Variants in MMP26 observed in about 807,000 individuals in gnomAD.
MMP26 encodes matrix metalloproteinase-26.
MMP26 carries 33 observed loss-of-function variants against 31.0 expected under a neutral mutation model. The ratio of observed to expected loss-of-function variants is 1.06; its 90% CI spans 0.81 to 1.42. The LOEUF is 1.42. MMP26 is among the 40% of genes most tolerant of loss of function. MMP26 has a pLI of 0.00. For missense variants in MMP26, 347 were observed against 316.1 expected, an observed-to-expected ratio of 1.10 and a Z score of -0.74; for synonymous variants, 122 against 114.9, an observed-to-expected ratio of 1.06 and a Z score of -0.40.
At chr11:4,916,538 T>C (rs923669788) in intron 2 of MMP26, among the ~76,000 whole-genome samples, 4 of 152,188 alleles carry the variant, frequency 2.6e-5, no homozygotes, top group Non-Finnish European at 5.9e-5. Context: ...TTTCTTTCTC[T>C]TTTTTGTTTT....
intron 2 of MMP26, among the ~76,000 whole-genome samples, chr11:4,831,830 G>A (rs12795226): frequency 0.061 from 9,340 of 152,222 alleles, 392 homozygotes; most frequent in Middle Eastern, 0.13. Context: ...TTCAAAAAAA[G>A]CGGGTATCAA....
intron 2 of MMP26, among the ~76,000 whole-genome samples, chr11:4,844,780 A>G (rs1463178887): frequency 2.0e-5 from 3 of 152,192 alleles, no homozygotes; most frequent in African/African-American, 7.2e-5. Flanking sequence ...AAAGCCAGAT[A>G]TGACAGACCC....
intron 2 of MMP26, among the ~76,000 whole-genome samples, chr11:4,866,285 T>C (rs543248071): frequency 6.6e-6 from 1 of 152,272 alleles, no homozygotes; most frequent in East Asian, 1.9e-4. Context: ...TAAATTTCAG[T>C]TTAAATTCAT....
At chr11:4,981,102 G>T (rs1846806925) in intron 2 of MMP26, among the ~76,000 whole-genome samples, 1 of 152,030 alleles carries the variant, frequency 6.6e-6, no homozygotes, top group Non-Finnish European at 1.5e-5. Flanking sequence ...ACTCAAAATT[G>T]CTTCCTTTAG....
chr11:4,751,705 T>C (rs1305889381), intron 1 of MMP26, among the ~76,000 whole-genome samples: 5 of 152,144 alleles, frequency 3.3e-5, no homozygotes, highest in African/African-American at 1.2e-4. Flanking sequence ...TATATATTTA[T>C]TTGTTTCTTT....
At position 4,966,316 on chromosome 11, in the gene MMP26, G is replaced by T. The variant is rs1278539361; in HGVS notation, c.-144-21752G>T. Among the ~76,000 whole-genome samples the T allele has an allele frequency of 2.0e-4, 31 of 152,236 alleles. 1 individual carries two copies. The highest frequency in any genetic ancestry group is 8.3e-4 in the South Asian group (4 of 4,828). ...AAATTGCTAAGAGGAAACATCAGGG[G>T]TATGGGTGCAGGTGTACTCTGGCCA... is the stretch of plus-strand genomic sequence containing the variant. On this transcript the variant is annotated intron_variant, in intron 2 of 7. Coordinates refer to ENST00000380390, the MANE Select transcript of MMP26 (RefSeq NM_021801.5).
chr11:4,982,054 ATATG>A (rs978258014), intron 2 of MMP26, among the ~76,000 whole-genome samples: 1 of 149,418 alleles, frequency 6.7e-6, no homozygotes, highest in African/African-American at 2.5e-5. Context: ...CTTTACATAT[ATATG>A]TATGTATGTA....
intron 2 of MMP26, among the ~76,000 whole-genome samples, chr11:4,949,234 T>C (rs2054141): frequency 0.97 from 117,614 of 120,772 alleles, 57,933 homozygotes; most frequent in East Asian, 1. Context: ...TTGTGCTACG[T>C]TTGCTATGAA....
chr11:4,799,428 C>T (rs1849152468), intron 2 of MMP26, among the ~76,000 whole-genome samples: 3 of 152,118 alleles, frequency 2.0e-5, no homozygotes, highest in Admixed American at 1.3e-4. Flanking sequence ...TGAAGGAGAA[C>T]TCACTCATCA....
intron 6 of MMP26, 25 bp from the exon 7 acceptor site, chr11:4,991,939 C>CTT: frequency 1.9e-5 from 26 of 1,395,240 alleles, no homozygotes; most frequent in Middle Eastern, 1.9e-4. Flanking sequence ...TTAATTTTAT[C>CTT]TTTTTTTTTT....
chr11:4,714,901 C>CTG (rs757437569), intron 1 of MMP26, among the ~76,000 whole-genome samples: 18,062 of 134,556 alleles, frequency 0.13, 1,473 homozygotes, highest in Middle Eastern at 0.21. Flanking sequence ...AACCCCAAAT[C>CTG]TCTCTCTCTC....
chr11:4,781,830 G>A (rs1848868562), intron 2 of MMP26, among the ~76,000 whole-genome samples: 1 of 152,040 alleles, frequency 6.6e-6, no homozygotes, highest in African/African-American at 2.4e-5. Context: ...TCATGGTAGT[G>A]AATAAGTCTC....
chr11:4,908,127 C>G, intron 2 of MMP26: 1 of 1,614,160 alleles, frequency 6.2e-7, no homozygotes, highest in Non-Finnish European at 8.5e-7. Flanking sequence ...TTCTATGTGC[C>G]CATCATCACC....
At chr11:4,775,747 TGAGAGAGA>T (rs35696328) in intron 2 of MMP26, among the ~76,000 whole-genome samples, 2 of 139,710 alleles carry the variant, frequency 1.4e-5, no homozygotes, top group East Asian at 2.1e-4. Flanking sequence ...AGGAAGTGAG[TGAGAGAGA>T]GAGAGAGAGA....
chr11:4,837,301 T>C (rs12287351), intron 2 of MMP26, among the ~76,000 whole-genome samples: 2 of 152,050 alleles, frequency 1.3e-5, no homozygotes, highest in South Asian at 2.1e-4. Context: ...TCCTCCTCCT[T>C]GGCTCAAGTG....
chr11:4,819,459 TAAGA>T (rs1233670611), intron 2 of MMP26, among the ~76,000 whole-genome samples: 1 of 151,112 alleles, frequency 6.6e-6, no homozygotes, highest in Non-Finnish European at 1.5e-5. Context: ...GGGAGAATAT[TAAGA>T]GAGACTGGTA....
intron 5 of MMP26, 101 bp downstream of exon 5, chr11:4,990,847 T>C (rs1846989354): frequency 1.5e-6 from 2 of 1,322,244 alleles, no homozygotes; most frequent in Non-Finnish European, 1.0e-6. Context: ...TTAAAGTTTC[T>C]GAGAAAAAAA....
intron 2 of MMP26, chr11:4,821,329 C>T: frequency 7.3e-7 from 1 of 1,368,882 alleles, no homozygotes; most frequent in Non-Finnish European, 1.0e-6. Context: ...CTCAGTGAAT[C>T]TTGAAGTGCC....
At chr11:4,988,831 G>A (rs1846946551) in intron 3 of MMP26, among the ~76,000 whole-genome samples, 1 of 152,088 alleles carries the variant, frequency 6.6e-6, no homozygotes, top group Non-Finnish European at 1.5e-5. Context: ...AATTGTATAG[G>A]AACCTAGTCA....
Sources: allele counts gnomAD v4.1 joint callset (sites outside exome capture counted in the v4.1 genomes callset), GRCh38; gene constraint gnomAD v4.1.1; transcripts MANE v1.5; gene names NCBI Gene and HGNC (gene_info 2026-07-23, HGNC 2026-07-21).